SSBP3: variants seen among roughly 807,000 people sequenced by gnomAD.
The protein encoded by SSBP3 is single stranded DNA binding protein 3, also known as single-stranded DNA-binding protein 3.
In SSBP3, 5 loss-of-function variants were observed where a neutral mutation model predicts 69.6. That is an observed-to-expected ratio of 0.07 (90% CI 0.04 to 0.15). The LOEUF is 0.15. Ranked by LOEUF, SSBP3 falls within the 10% of genes least tolerant of loss-of-function variation. The pLI is 1.00. For synonymous variants in SSBP3, 196 were observed against 193.4 expected, an observed-to-expected ratio of 1.01 and a Z score of -0.11; for missense variants, 312 against 534.0, an observed-to-expected ratio of 0.58 and a Z score of 4.10.
intron 13 of SSBP3, among the ~76,000 whole-genome samples, chr1:54,239,913 G>A (rs1215783502): frequency 6.6e-6 from 1 of 152,134 alleles, no homozygotes; most frequent in African/African-American, 2.4e-5. Context: ...TCAGGAGCAG[G>A]CGCTGTAATT....
intron 4 of SSBP3, among the ~76,000 whole-genome samples, chr1:54,336,449 C>T (rs1221954256): frequency 1.3e-5 from 2 of 152,106 alleles, no homozygotes; most frequent in Non-Finnish European, 2.9e-5. Context: ...TCTCGGTGAG[C>T]ATCCCTGGCT....
chr1:54,280,115 T>A (rs965303629), intron 5 of SSBP3, among the ~76,000 whole-genome samples: 1 of 152,226 alleles, frequency 6.6e-6, no homozygotes. Flanking sequence ...CACCATCATG[T>A]GACCTACCAC....
chr1:54,388,315 T>A (rs1648234289), intron 4 of SSBP3, among the ~76,000 whole-genome samples: 1 of 152,204 alleles, frequency 6.6e-6, no homozygotes, highest in South Asian at 2.1e-4. Flanking sequence ...AATGACTTCA[T>A]AACAACGGGC....
At chr1:54,358,738 T>C (rs1413021548) in intron 4 of SSBP3, among the ~76,000 whole-genome samples, 3 of 152,136 alleles carry the variant, frequency 2.0e-5, no homozygotes, top group Non-Finnish European at 4.4e-5. Context: ...GGGGAGGGCA[T>C]CCCAGCAGTG....
chr1:54,394,606 AAAAG>A, intron 4 of SSBP3, among the ~76,000 whole-genome samples: 1 of 152,080 alleles, frequency 6.6e-6, no homozygotes, highest in Non-Finnish European at 1.5e-5. Context: ...AGTCAAAAGA[AAAAG>A]AAGCCAATGT....
chr1:54,366,638 C>G lies in SSBP3; in HGVS notation c.276+35223G>C, dbSNP rs796826978. Among the ~76,000 whole-genome samples the G allele has an allele frequency of 2.4e-4, 36 of 152,272 alleles. 1 individual carries two copies. The highest frequency in any genetic ancestry group is 8.4e-4 in the African/African-American group (35 of 41,540). Reference sequence around the variant, plus strand: ...TAGTTATACCTGGTACCAGGATGCACAGGAGGACAGTGAAGGGCAGGGAGT... The same window carrying G: ...TAGTTATACCTGGTACCAGGATGCAGAGGAGGACAGTGAAGGGCAGGGAGT... On this transcript the variant is annotated intron_variant, in intron 4 of 17. Coordinates refer to ENST00000610401, the Ensembl canonical transcript of SSBP3.
chr1:54,333,333 C>T (rs1269906501), intron 4 of SSBP3, among the ~76,000 whole-genome samples: 1 of 152,150 alleles, frequency 6.6e-6, no homozygotes, highest in South Asian at 2.1e-4. Context: ...AGAGCAGATG[C>T]CTCTCCCATT....
At chr1:54,325,950 TC>T (rs1240214509) in intron 4 of SSBP3, among the ~76,000 whole-genome samples, 1 of 149,568 alleles carries the variant, frequency 6.7e-6, no homozygotes, top group Non-Finnish European at 1.5e-5. Context: ...CACAGGCAGC[TC>T]CCCCCCGCCA....
intron 4 of SSBP3, among the ~76,000 whole-genome samples, chr1:54,321,319 G>A (rs1347018524): frequency 6.6e-6 from 1 of 152,242 alleles, no homozygotes; most frequent in African/African-American, 2.4e-5. Context: ...GCAGCAGGCT[G>A]TATTCATCTC....
At chr1:54,344,048 A>G (rs1397497368) in intron 4 of SSBP3, among the ~76,000 whole-genome samples, 1 of 152,220 alleles carries the variant, frequency 6.6e-6, no homozygotes, top group Non-Finnish European at 1.5e-5. Context: ...CAACTGAGGT[A>G]GCACCTGGGG....
In SSBP3 at chr1:54,242,222, GGAGA is replaced by G; in HGVS notation, c.717-14_717-11del. The G allele has an allele frequency of 6.2e-7, 1 of 1,613,828 alleles. No individual in the cohort carries two copies. Among genetic ancestry groups the G allele is most frequent in the South Asian group, 1.1e-5 (1 of 91,048 alleles). ...GCCAGCTCCCGGGCCCCTGAGAGAG[GGAGA>G]AAGAGATGTGGACAATGAAAAAGGC... On this transcript the variant is annotated splice_polypyrimidine_tract_variant and intron_variant, in intron 10 of 17. Transcript: ENST00000610401.
chr1:54,238,951 C>T (rs1644554312), intron 14 of SSBP3, 178 bp downstream of exon 14: 2 of 433,574 alleles, frequency 4.6e-6, no homozygotes, highest in African/African-American at 2.1e-5. Flanking sequence ...CCACCCCCTG[C>T]CGCCCATGAA....
chr1:54,240,929 T>C (rs139746197), exon 13 of SSBP3: 1 of 1,611,990 alleles, frequency 6.2e-7, no homozygotes, highest in Non-Finnish European at 8.5e-7. Context: ...ATAATGGGTG[T>C]TCCTGGAGGA....
intron 4 of SSBP3, among the ~76,000 whole-genome samples, chr1:54,288,586 TGG>T (rs34312035): frequency 4.1e-4 from 51 of 125,596 alleles, no homozygotes; most frequent in South Asian, 1.1e-3. Context: ...TCAGCAGGGG[TGG>T]GGGGGGGGAG....
chr1:54,376,954 A>G (rs1647262722), intron 4 of SSBP3, among the ~76,000 whole-genome samples: 1 of 152,164 alleles, frequency 6.6e-6, no homozygotes, highest in Non-Finnish European at 1.5e-5. Flanking sequence ...CTCTGTTACA[A>G]GTCCAGGTAA....
intron 5 of SSBP3, among the ~76,000 whole-genome samples, chr1:54,280,432 T>C (rs899318779): frequency 6.6e-6 from 1 of 152,224 alleles, no homozygotes; most frequent in Non-Finnish European, 1.5e-5. Flanking sequence ...TCACTGGTCC[T>C]AGTTCTGAAT....
intron 4 of SSBP3, among the ~76,000 whole-genome samples, chr1:54,362,855 T>C (rs1042558331): frequency 6.6e-6 from 1 of 152,178 alleles, no homozygotes; most frequent in African/African-American, 2.4e-5. Context: ...ACCCCTCGTT[T>C]TCTCTCCCAG....
At chr1:54,281,257 C>A (rs1296883716) in intron 5 of SSBP3, among the ~76,000 whole-genome samples, 181 bp downstream of exon 5, 4 of 152,174 alleles carry the variant, frequency 2.6e-5, no homozygotes, top group African/African-American at 9.7e-5. Context: ...CTTTTTCTCC[C>A]TCTCAGCTTT....
intron 5 of SSBP3, among the ~76,000 whole-genome samples, chr1:54,265,496 C>T (rs937154048): frequency 6.6e-6 from 1 of 152,194 alleles, no homozygotes; most frequent in African/African-American, 2.4e-5. Context: ...AGTGGAATAA[C>T]TGCCCGGGCT....
Sources: gnomAD v4.1 joint callset for allele counts (sites outside exome capture counted in the v4.1 genomes callset) on GRCh38, gnomAD v4.1.1 for gene constraint, MANE v1.5 for transcripts, NCBI Gene and HGNC (gene_info 2026-07-23, HGNC 2026-07-21) for gene names.